Variants in KMT2A observed in about 807,000 individuals in gnomAD.
KMT2A encodes lysine methyltransferase 2A, also known as histone-lysine N-methyltransferase 2A.
In KMT2A, 16 loss-of-function variants were observed where a neutral mutation model predicts 345.3. That is an observed-to-expected ratio of 0.05 (90% CI 0.03 to 0.07). The LOEUF is 0.07. Among genes scored for constraint, KMT2A ranks in the 10% least tolerant of loss-of-function variants. KMT2A has a pLI of 1.00. For missense variants in KMT2A, 3,272 were observed against 4,841.6 expected (o/e 0.68, Z 9.62); for synonymous variants, 1,599 against 1,778.6 (o/e 0.90, Z 2.54).
chr11:118,468,833 G>T lies in KMT2A; in HGVS notation c.491G>T (p.Arg164Met). Residue 164 changes from arginine (R) to methionine (M), a missense_variant, in exon 2 of 36, where the codon AGG (arginine) becomes ATG (methionine). This residue lies in a region of KMT2A where 412 missense variants were observed against 511.0 expected (regional missense o/e 0.81). Transcript: ENST00000534358. ...GAAGTCAGAGTGCGAAGTCCCACAA[G>T]GTCTCCTTCAGGTACGGCCAATTAA... ...DEEVRVRSPT[R>M]SPSVKTSPRK... 6.2e-7 allele frequency: 1 copy of T among 1,613,116 alleles called. No homozygotes were observed. Among genetic ancestry groups the T allele is most frequent in the Non-Finnish European group, 8.5e-7 (1 of 1,179,282 alleles).
chr11:118,490,103 A>G lies in KMT2A; in HGVS notation c.4576-26A>G, dbSNP rs781929665. ...AAGATATTAAAAACAAGAAATTCCT[A>G]TTGAATTTCTTTTCTTCTTTTCTAG... On this transcript the variant is annotated intron_variant, in intron 12 of 35. Coordinates refer to ENST00000534358, the MANE Select transcript of KMT2A (RefSeq NM_001197104.2). This position sits in a 1 kb window ranked among gnomAD's most constrained non-coding sequence, Gnocchi z 4.2. The G allele has an allele frequency of 6.3e-7, 1 of 1,592,012 alleles. No homozygotes were observed. The highest frequency in any genetic ancestry group is 1.8e-5 in the Admixed American group (1 of 54,520).
At chr11:118,441,675 AT>A (rs1949316977) in intron 1 of KMT2A, among the ~76,000 whole-genome samples, 1 of 152,222 alleles carries the variant, frequency 6.6e-6, no homozygotes, top group Non-Finnish European at 1.5e-5. Flanking sequence ...AGTTATTAAT[AT>A]GTTCTGAAAT....
chr11:118,462,216 A>T (rs1298815830), intron 1 of KMT2A, among the ~76,000 whole-genome samples: 1 of 151,994 alleles, frequency 6.6e-6, no homozygotes, highest in East Asian at 1.9e-4. Flanking sequence ...TACCTTCCAA[A>T]GTGCTGGGAT....
rs1555036079 is a variant in KMT2A at position 118,472,734 on chromosome 11, T to C, written c.1575T>C (p.Asp525=). 6.2e-7 allele frequency: 1 copy of C among 1,613,602 alleles called. No homozygotes were observed. The highest frequency in any genetic ancestry group is 1.1e-5 in the South Asian group (1 of 91,042). Residue 525 remains aspartate, a synonymous_variant, in exon 3 of 36, where the codon GAT becomes GAC. Coordinates refer to ENST00000534358, the MANE Select transcript of KMT2A (RefSeq NM_001197104.2). ...ISQSPENESN[D]RRSRRYSVSE... is the part of the protein sequence containing the mutation. ...AGTCCCCAGAAAATGAGAGTAATGATAGGAGAAGCAGAAGGTATTCAGTGT... is the reference window on the plus strand; with the variant it reads ...AGTCCCCAGAAAATGAGAGTAATGACAGGAGAAGCAGAAGGTATTCAGTGT...
At chr11:118,477,898 T>G in intron 4 of KMT2A, 69 bp from the exon 5 acceptor site, 1 of 967,932 alleles carries the variant, frequency 1.0e-6, no homozygotes, top group Non-Finnish European at 1.6e-6. Context: ...ATTTCATTTT[T>G]GGAGTACCAA....
chr11:118,499,134 T>C (rs1484642742), intron 22 of KMT2A, among the ~76,000 whole-genome samples, 169 bp from the exon 23 acceptor site: 1 of 152,208 alleles, frequency 6.6e-6, no homozygotes, highest in Non-Finnish European at 1.5e-5. Flanking sequence ...TTCTACTTGG[T>C]GTTCCTAGAG....
intron 15 of KMT2A, among the ~76,000 whole-genome samples, chr11:118,492,497 G>A (rs1950341260): frequency 6.6e-6 from 1 of 152,202 alleles, no homozygotes; most frequent in Non-Finnish European, 1.5e-5. Flanking sequence ...GGCTAACACG[G>A]TGAAACCCCG....
chr11:118,493,167 T>TTA lies in KMT2A; in HGVS notation c.5115_5116insTA (p.Gln1706TyrfsTer5). On this transcript the variant is annotated frameshift_variant, in exon 16 of 36. Coordinates refer to ENST00000534358, the MANE Select transcript of KMT2A (RefSeq NM_001197104.2). LOFTEE classifies it high-confidence loss of function. The surrounding 1 kb of genome is among the most constrained non-coding windows in gnomAD (Gnocchi z 5.8). ...TTACTGAGGTCAGCAAACAGGATGA[T>TTA]CAGCAGCCTTTAGATCTAGAAGGAG... 6.2e-7 allele frequency: 1 copy of TTA among 1,614,114 alleles called. No individual in the cohort carries two copies. The highest frequency in any genetic ancestry group is 1.1e-5 in the South Asian group (1 of 91,076).
At chr11:118,454,837 GTTAA>G (rs1434116875) in intron 1 of KMT2A, among the ~76,000 whole-genome samples, 8 of 151,668 alleles carry the variant, frequency 5.3e-5, no homozygotes, top group Non-Finnish European at 1.0e-4. Flanking sequence ...TAAAAAAATG[GTTAA>G]TTTTTTTTTT....
At position 118,505,865 on chromosome 11, in the gene KMT2A, G is replaced by C. The variant is rs2134409087; in HGVS notation, c.9973G>C (p.Asp3325His). Residue 3325 changes from aspartate to histidine, a missense_variant, in exon 27 of 36, where the codon GAT (aspartate) becomes CAT (histidine). Transcript: ENST00000534358. The surrounding 1 kb of genome is among the most constrained non-coding windows in gnomAD (Gnocchi z 4.6). Reference sequence around the variant, plus strand: ...GGCAGGCACATCAACAATAAGCCAGGATACTAGCCACCTCACATCAGGGTC... The same window carrying C: ...GGCAGGCACATCAACAATAAGCCAGCATACTAGCCACCTCACATCAGGGTC... ...TAAGTSTISQ[D>H]TSHLTSGSVS... The C allele has an allele frequency of 6.2e-7, 1 of 1,614,188 alleles. No homozygotes were observed. The highest frequency in any genetic ancestry group is 2.2e-5 in the East Asian group (1 of 44,872).
At position 118,480,162 on chromosome 11, in the gene KMT2A, T is replaced by C. The variant is rs1950106070; in HGVS notation, c.3570-12T>C. On this transcript the variant is annotated splice_polypyrimidine_tract_variant and intron_variant, in intron 5 of 35. Transcript: ENST00000534358. ...TTTAATTTGTTTCATGGTTTATTCG[T>C]TGTTTTCCTAGGATGAGAAAATGTC... 1 of 1,606,602 alleles carries C rather than the reference T, an allele frequency of 6.2e-7. No individual in the cohort carries two copies. Among genetic ancestry groups the C allele is most frequent in the African/African-American group, 1.3e-5 (1 of 74,758 alleles).
intron 1 of KMT2A, among the ~76,000 whole-genome samples, chr11:118,444,588 T>C (rs1555026673): frequency 6.6e-6 from 1 of 152,212 alleles, no homozygotes; most frequent in Non-Finnish European, 1.5e-5. Flanking sequence ...TTTGTTTGGT[T>C]TGTTTGAGAC....
At chr11:118,483,741 A>T (rs891296521) in intron 8 of KMT2A, among the ~76,000 whole-genome samples, 5 of 152,038 alleles carry the variant, frequency 3.3e-5, no homozygotes, top group Admixed American at 2.6e-4. Flanking sequence ...TTTATTTATT[A>T]TGGATAAAGA....
In KMT2A at chr11:118,484,319, A is replaced by T; in HGVS notation, c.4218+5A>T. ...AGGATCAGAGTGGACTTTAAGGTAA[A>T]GGTGTTCAGTGATCATAAAGTATAT... On this transcript the variant is annotated splice_donor_5th_base_variant and intron_variant, in intron 9 of 35. Coordinates refer to ENST00000534358, the MANE Select transcript of KMT2A (RefSeq NM_001197104.2). The surrounding 1 kb of genome is among the most constrained non-coding windows in gnomAD (Gnocchi z 4.1). 1.4e-5 allele frequency: 22 copies of T among 1,613,748 alleles called. No homozygotes were observed. Among genetic ancestry groups the T allele is most frequent in the Non-Finnish European group, 1.9e-5 (22 of 1,179,838 alleles).
At position 118,506,359 on chromosome 11, in the gene KMT2A, G is replaced by C. The variant is rs540999292; in HGVS notation, c.10467G>C (p.Thr3489=). ...CCCAGGTATCCAACTTTACCCAGAC[G>C]GTAGACGCTCCTAATAGCATGGGAC... The part of the protein sequence containing the change: ...SGPQVSNFTQ[T]VDAPNSMGLE... The change falls in exon 27 of 36, where the codon ACG becomes ACC. Residue 3489 remains threonine, a synonymous_variant. Transcript: ENST00000534358. The C allele has an allele frequency of 6.2e-7, 1 of 1,613,982 alleles. No homozygotes were observed. The highest frequency in any genetic ancestry group is 1.3e-5 in the African/African-American group (1 of 74,882).
rs1357157916 is a variant in KMT2A at position 118,524,880 on chromosome 11, ACT to A, written c.*2713_*2714del. 3.6e-5 allele frequency: 7 copies of A among 192,588 alleles called. No homozygotes were observed. Among genetic ancestry groups the A allele is most frequent in the African/African-American group, 1.4e-4 (6 of 42,886 alleles). 11.9% of individuals were successfully genotyped at this position (192,588 alleles called of 1,614,324 possible). The stretch of plus-strand genomic sequence containing the variant: ...CATGCTGTACTGTGAGCCCCTCCTC[ACT>A]CTCTACCAACCCTAAACCCTGAGGA... On this transcript the variant is annotated 3_prime_UTR_variant, in exon 36 of 36. Coordinates refer to ENST00000534358, the MANE Select transcript of KMT2A (RefSeq NM_001197104.2).
intron 2 of KMT2A, among the ~76,000 whole-genome samples, chr11:118,470,547 A>T (rs1591372649): frequency 1.3e-5 from 2 of 152,250 alleles, no homozygotes; most frequent in Middle Eastern, 6.8e-3. Flanking sequence ...TGTAATTAGG[A>T]TATGTTGAGA....
chr11:118,525,635 AACAC>A lies in KMT2A; in HGVS notation c.*3471_*3474del, dbSNP rs1268978434. Reference sequence around the variant, plus strand: ...TAAAAAAAAAAGGAAAAAAAAATACAACACACACACAAAAATAAAAAAAATATTC... The same window carrying A: ...TAAAAAAAAAAGGAAAAAAAAATACAACACACAAAAATAAAAAAAATATTC... On this transcript the variant is annotated 3_prime_UTR_variant, in exon 36 of 36. Coordinates refer to ENST00000534358, the MANE Select transcript of KMT2A (RefSeq NM_001197104.2). The A allele has an allele frequency of 1.3e-5, 3 of 228,928 alleles. No individual in the cohort carries two copies. The highest frequency in any genetic ancestry group is 1.2e-4 in the East Asian group (2 of 16,012). 14.2% of individuals were successfully genotyped at this position (228,928 alleles called of 1,614,324 possible). A position where few individuals can be genotyped will look rare whatever the true frequency, so the allele number is the denominator to read the frequency against.
At chr11:118,439,632 A>G (rs941593558) in intron 1 of KMT2A, among the ~76,000 whole-genome samples, 1 of 152,238 alleles carries the variant, frequency 6.6e-6, no homozygotes, top group Non-Finnish European at 1.5e-5. Flanking sequence ...TCTTAACACT[A>G]GTATATAATG....
Sources: gnomAD v4.1 joint callset for allele counts (sites outside exome capture counted in the v4.1 genomes callset) on GRCh38, gnomAD v4.1.1 for gene constraint, gnomAD v4.1.1 regional missense constraint, Gnocchi (gnomAD v3.1) non-coding constraint, MANE v1.5 for transcripts, NCBI Gene and HGNC (gene_info 2026-07-23, HGNC 2026-07-21) for gene names.